The following RASSF3 variants were observed in gnomAD, a reference collection of about 807,000 sequenced individuals.
RASSF3 encodes the protein ras association domain-containing protein 3.
RASSF3 carries 19 observed loss-of-function variants against 19.9 expected under a neutral mutation model. The ratio of observed to expected loss-of-function variants is 0.96; its 90% CI spans 0.67 to 1.40. The LOEUF (loss-of-function observed/expected upper bound fraction) is 1.40, where lower values mean the gene tolerates loss of function less well. Among genes scored for constraint, RASSF3 ranks in the 40% most tolerant of loss-of-function variants. The pLI, the probability that RASSF3 is intolerant of heterozygous loss-of-function variation, is 0.00. For missense variants in RASSF3, 306 were observed against 289.8 expected (o/e 1.06, Z -0.41); for synonymous variants, 110 against 104.2 (o/e 1.06, Z -0.34).
intron 2 of RASSF3, among the ~76,000 whole-genome samples, chr12:64,548,283 G>A (rs1192033685): frequency 2.6e-5 from 4 of 152,044 alleles, no homozygotes; most frequent in African/African-American, 9.7e-5. Flanking sequence ...GGGCTCAAGG[G>A]ATCCTCAGCC....
At chr12:64,611,840 T>C (rs1408489748) in intron 1 of RASSF3, among the ~76,000 whole-genome samples, 1 of 152,176 alleles carries the variant, frequency 6.6e-6, no homozygotes, top group Non-Finnish European at 1.5e-5. Context: ...TTTAGCCACT[T>C]TCTGAAGTAA....
intron 2 of RASSF3, among the ~76,000 whole-genome samples, chr12:64,576,803 A>C (rs1177377111): frequency 6.7e-6 from 1 of 148,694 alleles, no homozygotes; most frequent in African/African-American, 2.5e-5. Context: ...GTGAGCCATG[A>C]CTGGGCCACT....
At chr12:64,631,589 T>TGTATGTA (rs1871170579) in intron 1 of RASSF3, among the ~76,000 whole-genome samples, 1 of 147,074 alleles carries the variant, frequency 6.8e-6, no homozygotes, top group Non-Finnish European at 1.5e-5. Flanking sequence ...GTATGTATGT[T>TGTATGTA]GAGACATAGT....
At chr12:64,640,499 A>G (rs1871478351) in intron 1 of RASSF3, among the ~76,000 whole-genome samples, 1 of 152,110 alleles carries the variant, frequency 6.6e-6, no homozygotes, top group Admixed American at 6.5e-5. Context: ...TTCTATTTTC[A>G]GCTTTTATAA....
At chr12:64,548,022 G>T (rs1869098415) in intron 2 of RASSF3, among the ~76,000 whole-genome samples, 1 of 151,996 alleles carries the variant, frequency 6.6e-6, no homozygotes, top group South Asian at 2.1e-4. Flanking sequence ...TATTTGGATA[G>T]ATACAGACAT....
intron 2 of RASSF3, among the ~76,000 whole-genome samples, chr12:64,568,460 C>T (rs1869467253): frequency 1.3e-5 from 2 of 152,150 alleles, no homozygotes; most frequent in South Asian, 4.1e-4. Context: ...ATCATTCATC[C>T]TCATTCAAGT....
intron 1 of RASSF3, among the ~76,000 whole-genome samples, chr12:64,629,347 G>A (rs10748011): frequency 0.79 from 119,700 of 151,570 alleles, 47,626 homozygotes; most frequent in African/African-American, 0.85. Flanking sequence ...GGCTCAAGCC[G>A]TCTGTCTGCC....
chr12:64,675,381 C>T (rs974238380), intron 1 of RASSF3, among the ~76,000 whole-genome samples: 1 of 152,032 alleles, frequency 6.6e-6, no homozygotes, highest in Non-Finnish European at 1.5e-5. Flanking sequence ...AACTCCTGGG[C>T]TCAAGTGATC....
At chr12:64,610,435 C>A (rs1318219395), upstream of RASSF3, 2 of 181,244 alleles carry the variant, frequency 1.1e-5, no homozygotes, top group East Asian at 1.4e-4. Context: ...CGCGGGCGCA[C>A]CGGGGCCGAG....
chr12:64,619,445 G>A (rs964126774), intron 1 of RASSF3, among the ~76,000 whole-genome samples: 6 of 152,024 alleles, frequency 3.9e-5, no homozygotes, highest in Non-Finnish European at 7.4e-5. Context: ...TATTAAAGGA[G>A]CAAGCTTAAT....
downstream of RASSF3, among the ~76,000 whole-genome samples, chr12:64,546,438 T>G (rs1869064799): frequency 6.6e-6 from 1 of 151,950 alleles, no homozygotes; most frequent in African/African-American, 2.4e-5. Context: ...GCCCAGCTAG[T>G]TTTTTGTATT....
intron 2 of RASSF3, among the ~76,000 whole-genome samples, chr12:64,601,497 A>T (rs928646349): frequency 6.6e-6 from 1 of 152,158 alleles, no homozygotes; most frequent in Non-Finnish European, 1.5e-5. Flanking sequence ...TGTTTAAAAA[A>T]TTTCAATTAC....
At chr12:64,531,011 T>C (rs1868696298), upstream of RASSF3, among the ~76,000 whole-genome samples, 1 of 152,244 alleles carries the variant, frequency 6.6e-6, no homozygotes, top group South Asian at 2.1e-4. Context: ...TTTCCTTCTC[T>C]TAATTGTATC....
chr12:64,572,960 C>G (rs1869543600), intron 2 of RASSF3, among the ~76,000 whole-genome samples: 1 of 152,162 alleles, frequency 6.6e-6, no homozygotes, highest in South Asian at 2.1e-4. Context: ...GTCTCAAACT[C>G]CTGACCTCAA....
At chr12:64,663,472 A>C (rs1177637670) in intron 1 of RASSF3, among the ~76,000 whole-genome samples, 1 of 152,172 alleles carries the variant, frequency 6.6e-6, no homozygotes, top group South Asian at 2.1e-4. Context: ...AAAAATATAC[A>C]TATCAGGGAT....
In RASSF3 at chr12:64,658,576, C is replaced by T. The variant is rs559542862; in HGVS notation, c.112-26211C>T. Among the ~76,000 whole-genome samples, 254 of 151,820 alleles carry T rather than the reference C, an allele frequency of 1.7e-3. 1 individual carries two copies. The highest frequency in any genetic ancestry group is 6.0e-3 in the African/African-American group (247 of 41,376). The stretch of plus-strand genomic sequence containing the variant: ...CAGCACTTTGGAAGGCTGAGGCGGG[C>T]GGATCGCTTGAGGCTGAGAGTTCAA... On this transcript the variant is annotated intron_variant, in intron 1 of 4. Transcript: ENST00000542104.
upstream of RASSF3, among the ~76,000 whole-genome samples, chr12:64,610,302 C>T (rs1014371158): frequency 4.0e-5 from 6 of 151,610 alleles, no homozygotes; most frequent in Non-Finnish European, 7.4e-5. Flanking sequence ...TCGGGAGAAA[C>T]CCGCGCGCCT....
rs1037292064 is a variant in RASSF3, at chr12:64,678,381, C to T, written c.112-6406C>T. On this transcript the variant is annotated intron_variant, in intron 1 of 4. Transcript: ENST00000542104. The stretch of plus-strand genomic sequence containing the variant: ...ATCTAGCCTCACTTGGAGAAAGCAC[C>T]TGTTGGCCTGGGAAGTTCACCCTTC... Among the ~76,000 whole-genome samples, 7 of 152,108 alleles carry T rather than the reference C, an allele frequency of 4.6e-5. No homozygotes were observed. The South Asian group carries it at 8.3e-4, about 18-fold the overall frequency.
chr12:64,561,739 G>C (rs1343410881), intron 2 of RASSF3, among the ~76,000 whole-genome samples: 1 of 136,590 alleles, frequency 7.3e-6, no homozygotes, highest in Non-Finnish European at 1.6e-5. Flanking sequence ...TTTTGAGATG[G>C]AGTCTCACTA....
Sources: gnomAD v4.1 joint callset for allele counts (sites outside exome capture counted in the v4.1 genomes callset) on GRCh38, gnomAD v4.1.1 for gene constraint, MANE v1.5 for transcripts, NCBI Gene and HGNC (gene_info 2026-07-23, HGNC 2026-07-21) for gene names.